The following PCNX1 variants were observed in gnomAD, a reference collection of about 807,000 sequenced individuals.
PCNX1 encodes pecanex 1.
A neutral mutation model predicts 242.2 loss-of-function variants in PCNX1; 78 were observed. The observed-to-expected ratio is 0.32, with a 90% confidence interval of 0.27 to 0.39. The LOEUF (loss-of-function observed/expected upper bound fraction) is 0.39. Among genes scored for constraint, PCNX1 ranks in the 10% least tolerant of loss-of-function variants. PCNX1 has a pLI of 1.00. For missense variants in PCNX1, 2,581 were observed against 2,856.5 expected (o/e 0.90, Z 2.20); for synonymous variants, 1,024 against 1,032.9 (o/e 0.99, Z 0.17).
chr14:71,056,336 G>A (rs949388875), intron 25 of PCNX1, among the ~76,000 whole-genome samples: 2 of 152,190 alleles, frequency 1.3e-5, no homozygotes, highest in African/African-American at 2.4e-5. Flanking sequence ...GAGAAAATAA[G>A]CATTTCAGCT....
At chr14:71,056,242 A>G (rs1482020397) in intron 25 of PCNX1, among the ~76,000 whole-genome samples, 1 of 152,234 alleles carries the variant, frequency 6.6e-6, no homozygotes, top group African/African-American at 2.4e-5. Context: ...AATTCCTTCA[A>G]ATCTGATTAA....
At chr14:70,910,229 T>TCCTCCTCCTCCTCCTCCTCCTC (rs1375541677) in intron 1 of PCNX1, among the ~76,000 whole-genome samples, 1 of 69,488 alleles carries the variant, frequency 1.4e-5, no homozygotes, top group African/African-American at 5.3e-5. Flanking sequence ...CTCCTCCTCC[T>TCCTCCTCCTCCTCCTCCTCCTC]CTCACCAGCA....
At chr14:71,052,265 G>T (rs2061058011) in intron 24 of PCNX1, among the ~76,000 whole-genome samples, 1 of 150,908 alleles carries the variant, frequency 6.6e-6, no homozygotes, top group Non-Finnish European at 1.5e-5. Flanking sequence ...AGGCTGGAGT[G>T]CAGTGGTGCG....
intron 30 of PCNX1, among the ~76,000 whole-genome samples, chr14:71,095,070 T>G (rs781015980): frequency 5.3e-5 from 8 of 152,342 alleles, no homozygotes; most frequent in Admixed American, 2.6e-4. Flanking sequence ...TTGTAGAAGA[T>G]TAACCAAAAC....
chr14:71,062,043 A>G (rs1202434144), intron 26 of PCNX1, among the ~76,000 whole-genome samples: 1 of 152,214 alleles, frequency 6.6e-6, no homozygotes, highest in Admixed American at 6.5e-5. Flanking sequence ...CATAACACCA[A>G]AAGGTTTTCA....
intron 19 of PCNX1, among the ~76,000 whole-genome samples, chr14:71,041,072 A>G (rs969738858): frequency 7.2e-5 from 11 of 152,132 alleles, no homozygotes; most frequent in African/African-American, 2.7e-4. Context: ...CCGTTCATTC[A>G]TCTGTTGATG....
At chr14:70,910,895 A>T (rs1043844004) in intron 1 of PCNX1, among the ~76,000 whole-genome samples, 27 of 152,200 alleles carry the variant, frequency 1.8e-4, no homozygotes, top group Non-Finnish European at 2.9e-4. Context: ...ATGAGTTGTT[A>T]CTGTTAGAAC....
At chr14:70,915,171 C>A (rs2056100216) in intron 1 of PCNX1, among the ~76,000 whole-genome samples, 1 of 152,024 alleles carries the variant, frequency 6.6e-6, no homozygotes, top group Non-Finnish European at 1.5e-5. Context: ...TTTATCCATT[C>A]CCGTGTAGAT....
chr14:71,040,698 CTTAG>C (rs751650740), intron 19 of PCNX1, among the ~76,000 whole-genome samples: 7 of 152,168 alleles, frequency 4.6e-5, no homozygotes, highest in East Asian at 3.9e-4. Context: ...CAGTTATACT[CTTAG>C]TTATTTTTAA....
At chr14:71,021,742 A>G (rs1399338209) in intron 12 of PCNX1, among the ~76,000 whole-genome samples, 2 of 131,660 alleles carry the variant, frequency 1.5e-5, no homozygotes, top group African/African-American at 5.6e-5. Flanking sequence ...ATACTCTTCC[A>G]TTTTGATATT....
intron 2 of PCNX1, among the ~76,000 whole-genome samples, chr14:70,954,499 A>G (rs1230960592): frequency 6.6e-6 from 1 of 152,206 alleles, no homozygotes; most frequent in African/African-American, 2.4e-5. Flanking sequence ...GAGAATTTGC[A>G]TCTTTACAAT....
chr14:70,946,945 G>T lies in PCNX1; in HGVS notation c.184G>T (p.Val62Phe). Reference sequence around the variant, plus strand: ...TCCTTCTACCATGATTATAGTAGCAGTTTATTGTCCTGTGATAGCTGCTGT... The same window carrying T: ...TCCTTCTACCATGATTATAGTAGCATTTTATTGTCCTGTGATAGCTGCTGT... ...ALPSTMIIVAVYCPVIAAVFI... is the reference protein window; with the variant it reads ...ALPSTMIIVAFYCPVIAAVFI... The change falls in exon 2 of 36, where the codon GTT (valine) becomes TTT (phenylalanine). Residue 62 changes from valine (V) to phenylalanine (F), a missense_variant. This residue lies in a region of PCNX1 where 1,204 missense variants were observed against 1,216.7 expected (regional missense o/e 0.99). Transcript: ENST00000304743. 6.2e-7 allele frequency: 1 copy of T among 1,613,428 alleles called. No individual in the cohort carries two copies. The highest frequency in any genetic ancestry group is 8.5e-7 in the Non-Finnish European group (1 of 1,179,450).
Position 71,026,864 on chromosome 14 carries a change from C to A in PCNX1, c.3448C>A (p.His1150Asn), listed in dbSNP as rs766774162. The change falls in exon 15 of 36, where the codon CAT becomes AAT. Residue 1150 changes from histidine to asparagine, a missense_variant. Coordinates refer to ENST00000304743, the MANE Select transcript of PCNX1 (RefSeq NM_014982.3). ...GTACCTTTGTGAACAATTGGATATT[C>A]ATATTTTTGGTGGTAATGGTGAGTA... Reference protein sequence around the residue: ...VMYLCEQLDIHIFGGNATTSL... With the variant: ...VMYLCEQLDINIFGGNATTSL... 2 of 1,513,668 alleles carry A rather than the reference C, an allele frequency of 1.3e-6. No individual in the cohort carries two copies. The highest frequency in any genetic ancestry group is 3.4e-5 in the Admixed American group (2 of 59,534). The allele number at this position is 1,513,668 out of a possible 1,614,324, so 93.8% of individuals were successfully genotyped here. A position where few individuals can be genotyped will look rare whatever the true frequency, so the allele number is the denominator to read the frequency against.
At chr14:70,932,737 C>T (rs764834809) in intron 1 of PCNX1, among the ~76,000 whole-genome samples, 9 of 151,930 alleles carry the variant, frequency 5.9e-5, no homozygotes, top group Non-Finnish European at 1.3e-4. Flanking sequence ...CTCAGCCTCC[C>T]GAGTAGCTGG....
intron 33 of PCNX1, among the ~76,000 whole-genome samples, chr14:71,107,258 A>G (rs143803553): frequency 1.6e-4 from 25 of 152,040 alleles, no homozygotes; most frequent in African/African-American, 4.8e-4. Flanking sequence ...TTAAATATAT[A>G]TATTTTCAAT....
At chr14:70,969,136 T>C (rs757966519) in intron 5 of PCNX1, 26 bp downstream of exon 5, 1 of 1,304,908 alleles carries the variant, frequency 7.7e-7, no homozygotes, top group Admixed American at 1.7e-5. Context: ...TTTACCATGA[T>C]GTCATATACT....
intron 2 of PCNX1, among the ~76,000 whole-genome samples, chr14:70,961,929 A>T (rs2058229327): frequency 6.6e-6 from 1 of 152,076 alleles, no homozygotes; most frequent in Admixed American, 6.6e-5. Context: ...GTATCGTAAC[A>T]TATTTAGTAT....
At position 71,061,184 on chromosome 14, in the gene PCNX1, G is replaced by A. The variant is rs114880829; in HGVS notation, c.4852+3460G>A. Among the ~76,000 whole-genome samples the A allele has an allele frequency of 1.3e-3, 199 of 152,282 alleles. 1 individual carries two copies. The highest frequency in any genetic ancestry group is 4.5e-3 in the African/African-American group (188 of 41,564). On this transcript the variant is annotated intron_variant, in intron 26 of 35. Coordinates refer to ENST00000304743, the MANE Select transcript of PCNX1 (RefSeq NM_014982.3). Reference sequence around the variant, plus strand: ...AGGACAGGATAACAGTCTTGCATGGGAGAAACGTTGCAGGTTACAAATGGA... The same window carrying A: ...AGGACAGGATAACAGTCTTGCATGGAAGAAACGTTGCAGGTTACAAATGGA...
At chr14:70,967,373 C>G (rs943716692) in intron 3 of PCNX1, among the ~76,000 whole-genome samples, 7 of 152,126 alleles carry the variant, frequency 4.6e-5, no homozygotes, top group African/African-American at 1.4e-4. Flanking sequence ...CTGTTTTCTT[C>G]TTTGAATCCA....
Sources: allele counts gnomAD v4.1 joint callset (sites outside exome capture counted in the v4.1 genomes callset), GRCh38; gene constraint gnomAD v4.1.1; regional missense constraint gnomAD v4.1.1; transcripts MANE v1.5; gene names NCBI Gene and HGNC (gene_info 2026-07-23, HGNC 2026-07-21).